Variants in CLRN2 observed in about 807,000 individuals in gnomAD.
CLRN2 encodes clarin-2.
In CLRN2, 17 loss-of-function variants were observed where a neutral mutation model predicts 20.1. The observed-to-expected ratio is 0.85, with a 90% CI of 0.58 to 1.27. The LOEUF is 1.27. Ranked by LOEUF, CLRN2 falls within the 50% of genes most tolerant of loss-of-function variation. The probability of loss-of-function intolerance (pLI) is 0.00; values close to 1 mark genes in which losing one functional copy is unlikely to be tolerated. For missense variants in CLRN2, 288 were observed against 299.5 expected (o/e 0.96, Z 0.28); for synonymous variants, 140 against 126.9 (o/e 1.10, Z -0.70).
chr4:17,526,887 C>A lies in CLRN2; in HGVS notation c.504C>A (p.Ile168=). 6.2e-7 allele frequency: 1 copy of A among 1,613,988 alleles called. No individual in the cohort carries two copies. Among genetic ancestry groups the A allele is most frequent in the Non-Finnish European group, 8.5e-7 (1 of 1,179,888 alleles). The change falls in exon 3 of 3, where the codon ATC becomes ATA. Residue 168 remains isoleucine (I), a synonymous_variant. Transcript: ENST00000511148. ...AVKFHDLTER[I]ANFQEKLFQF... is the part of the protein sequence containing the mutation. ...AATTTCACGACCTGACGGAACGAAT[C>A]GCCAACTTTCAGGAGAAGCTCTTCC...
At chr4:17,525,347 T>C (rs1711946854) in intron 2 of CLRN2, among the ~76,000 whole-genome samples, 1 of 152,182 alleles carries the variant, frequency 6.6e-6, no homozygotes, top group Non-Finnish European at 1.5e-5. Context: ...TTTATAGTCA[T>C]GCTGTAAGCC....
chr4:17,526,842 C>T lies in CLRN2; in HGVS notation c.459C>T (p.Ala153=), dbSNP rs1484713983. 6.2e-7 allele frequency: 1 copy of T among 1,613,910 alleles called. No homozygotes were observed. The highest frequency in any genetic ancestry group is 2.2e-5 in the East Asian group (1 of 44,888). ...GCGGCGTCGTGGCGTTAGCCATCGC[C>T]AGCTTCGTGGCTGCGGTGAAATTTC... ...LAGGVVALAI[A]SFVAAVKFHD... The change falls in exon 3 of 3, where the codon GCC becomes GCT. Residue 153 remains alanine, a synonymous_variant. Transcript: ENST00000511148.
At chr4:17,520,652 G>T (rs1711816748) in intron 1 of CLRN2, among the ~76,000 whole-genome samples, 1 of 152,186 alleles carries the variant, frequency 6.6e-6, no homozygotes, top group African/African-American at 2.4e-5. Context: ...GTTTTCTATT[G>T]TAAGAGTTTT....
intron 1 of CLRN2, among the ~76,000 whole-genome samples, chr4:17,521,529 A>G (rs1711837293): frequency 1.3e-5 from 2 of 152,226 alleles, no homozygotes; most frequent in African/African-American, 4.8e-5. Flanking sequence ...ACTAAAGATC[A>G]TGACTTGACA....
At position 17,515,405 on chromosome 4, in the gene CLRN2, G is replaced by A; in HGVS notation, c.139G>A (p.Val47Ile). 6.2e-7 allele frequency: 1 copy of A among 1,613,944 alleles called. No individual in the cohort carries two copies. The highest frequency in any genetic ancestry group is 8.5e-7 in the Non-Finnish European group (1 of 1,179,880). ...KILCQTGVDL[V>I]NATDRELVKF... ...CCTTTGTCAGACTGGAGTGGATCTGGTCAACGCCACAGACAGAGAGCTGGT... is the reference window on the plus strand; with the variant it reads ...CCTTTGTCAGACTGGAGTGGATCTGATCAACGCCACAGACAGAGAGCTGGT... Residue 47 changes from valine (V) to isoleucine (I), a missense_variant, in exon 1 of 3, where the codon GTC becomes ATC. Val to Ile is a conservative substitution (Grantham distance 29). Coordinates refer to ENST00000511148, the MANE Select transcript of CLRN2 (RefSeq NM_001079827.2).
At chr4:17,523,065 G>T (rs1711872706) in intron 2 of CLRN2, 22 bp downstream of exon 2, 7 of 1,589,056 alleles carry the variant, frequency 4.4e-6, no homozygotes, top group Non-Finnish European at 6.0e-6. Flanking sequence ...CTTAGGGAGA[G>T]AAAATTATGT....
At chr4:17,525,599 G>A (rs529591994) in intron 2 of CLRN2, among the ~76,000 whole-genome samples, 100 of 152,200 alleles carry the variant, frequency 6.6e-4, no homozygotes, top group African/African-American at 2.1e-3. Flanking sequence ...GCAGTGAGCC[G>A]TGATCATGCC....
At position 17,515,365 on chromosome 4, in the gene CLRN2, G is replaced by A. The variant is rs771899123; in HGVS notation, c.99G>A (p.Trp33Ter). The stretch of plus-strand genomic sequence containing the variant: ...TCGTTGCCCTGGTAGTGCCCCACTG[G>A]CTGAGTGGGAAAATCCTTTGTCAGA... ...LIIVALVVPHWLSGKILCQTG... is the reference protein window; with the variant it reads ...LIIVALVVPH Residue 33 changes from tryptophan to a stop codon, truncating the protein, a stop_gained, in exon 1 of 3, where the codon TGG (tryptophan) becomes TGA (stop). Coordinates refer to ENST00000511148, the MANE Select transcript of CLRN2 (RefSeq NM_001079827.2). LOFTEE classifies it high-confidence loss of function. 1.2e-6 allele frequency: 2 copies of A among 1,613,852 alleles called. No individual in the cohort carries two copies. The highest frequency in any genetic ancestry group is 2.2e-5 in the East Asian group (1 of 44,890).
intron 2 of CLRN2, among the ~76,000 whole-genome samples, chr4:17,524,489 T>C (rs1489430514): frequency 1.3e-5 from 2 of 152,108 alleles, no homozygotes; most frequent in African/African-American, 4.8e-5. Flanking sequence ...CAATCAATTA[T>C]TATGTATTTG....
chr4:17,518,618 G>A (rs1374362452), intron 1 of CLRN2, among the ~76,000 whole-genome samples: 2 of 152,068 alleles, frequency 1.3e-5, no homozygotes, highest in Admixed American at 6.5e-5. Context: ...AAAATTAGCC[G>A]GGCGTGGTGG....
intron 1 of CLRN2, among the ~76,000 whole-genome samples, chr4:17,520,846 C>T (rs181177457): frequency 3.3e-5 from 5 of 152,154 alleles, no homozygotes; most frequent in African/African-American, 4.8e-5. Flanking sequence ...GTGAAACCCC[C>T]GTCCCTGCTA....
Position 17,527,093 on chromosome 4 carries a change from CT to C in CLRN2, c.*12del. 6.2e-7 allele frequency: 1 copy of C among 1,612,814 alleles called. No individual in the cohort carries two copies. On this transcript the variant is annotated 3_prime_UTR_variant, in exon 3 of 3. Transcript: ENST00000511148. ...GATATCTTGTATTAATAGCCTTCCC[CT>C]GTTCACAACCTGTCCTAAGTCAGTT...
Position 17,515,438 on chromosome 4 carries a change from A to T in CLRN2, c.172A>T (p.Ile58Phe), listed in dbSNP as rs1368438109. 11 of 1,613,816 alleles carry T rather than the reference A, an allele frequency of 6.8e-6. No individual in the cohort carries two copies. Among genetic ancestry groups the T allele is most frequent in the Non-Finnish European group, 9.3e-6 (11 of 1,179,890 alleles). Residue 58 changes from isoleucine (I) to phenylalanine (F), a missense_variant, in exon 1 of 3, where the codon ATT (isoleucine) becomes TTT (phenylalanine). Ile to Phe is a conservative substitution (Grantham distance 21). Coordinates refer to ENST00000511148, the MANE Select transcript of CLRN2 (RefSeq NM_001079827.2). ...NATDRELVKF[I>F]GDIYYGLFRG... ...CACAGACAGAGAGCTGGTCAAGTTCATTGGGGACATTTACTACGGGCTCTT... is the reference window on the plus strand; with the variant it reads ...CACAGACAGAGAGCTGGTCAAGTTCTTTGGGGACATTTACTACGGGCTCTT...
At chr4:17,523,478 G>A (rs1343754010) in intron 2 of CLRN2, among the ~76,000 whole-genome samples, 1 of 152,084 alleles carries the variant, frequency 6.6e-6, no homozygotes, top group Non-Finnish European at 1.5e-5. Flanking sequence ...GCCTCCCAAA[G>A]TGCTCAAGAA....
chr4:17,524,693 T>G (rs1309816002), intron 2 of CLRN2, among the ~76,000 whole-genome samples: 1 of 151,804 alleles, frequency 6.6e-6, no homozygotes, highest in Non-Finnish European at 1.5e-5. Context: ...ACTCTCAGAC[T>G]CTACTGATGA....
In CLRN2 at chr4:17,527,054, C is replaced by T. The variant is rs201470083; in HGVS notation, c.671C>T (p.Thr224Met). 417 of 1,613,862 alleles carry T rather than the reference C, an allele frequency of 2.6e-4. 1 individual carries two copies. Among genetic ancestry groups the T allele is most frequent in the Non-Finnish European group, 3.2e-4 (372 of 1,179,886 alleles). The change falls in exon 3 of 3, where the codon ACG becomes ATG. Residue 224 changes from threonine (T) to methionine (M), a missense_variant. Thr to Met is a moderately conservative substitution (Grantham distance 81). Coordinates refer to ENST00000511148, the MANE Select transcript of CLRN2 (RefSeq NM_001079827.2). ...PEIKTKIEEA[T>M]VTAEDILY ...ATTAAGACCAAAATCGAAGAGGCCA[C>T]GGTCACAGCTGAGGATATCTTGTAT...
At chr4:17,516,407 C>T (rs1033818245) in intron 1 of CLRN2, among the ~76,000 whole-genome samples, 7 of 152,110 alleles carry the variant, frequency 4.6e-5, no homozygotes, top group African/African-American at 1.4e-4. Flanking sequence ...TGCACAAAAC[C>T]GTAATTAATC....
rs149502232 is a variant in CLRN2, at chr4:17,521,553, A to G, written c.254-1311A>G. Reference sequence around the variant, plus strand: ...CATGACTTGACACTGTTGATACCATACAGTTGTGAACAACAGTTCTCAGAA... The same window carrying G: ...CATGACTTGACACTGTTGATACCATGCAGTTGTGAACAACAGTTCTCAGAA... On this transcript the variant is annotated intron_variant, in intron 1 of 2. Transcript: ENST00000511148. 4.1e-3 allele frequency among the ~76,000 whole-genome samples: 627 copies of G among 152,358 alleles called. 8 individuals are homozygous for G. Among genetic ancestry groups the G allele is most frequent in the African/African-American group, 0.014 (596 of 41,592 alleles).
At chr4:17,524,782 A>G (rs927813992) in intron 2 of CLRN2, among the ~76,000 whole-genome samples, 3 of 151,502 alleles carry the variant, frequency 2.0e-5, no homozygotes, top group South Asian at 2.1e-4. Context: ...TTAGCTGTCC[A>G]TGGTGTCCGG....
Sources: allele counts gnomAD v4.1 joint callset (sites outside exome capture counted in the v4.1 genomes callset), GRCh38; gene constraint gnomAD v4.1.1; transcripts MANE v1.5; gene names NCBI Gene and HGNC (gene_info 2026-07-23, HGNC 2026-07-21).